MPP7: variants seen among roughly 807,000 people sequenced by gnomAD.
MPP7 encodes MAGUK p55 subfamily member 7.
Under a neutral mutation model 76.5 loss-of-function variants are expected in MPP7, and 60 were observed. The ratio of observed to expected loss-of-function variants is 0.78; its 90% CI spans 0.64 to 0.97. MPP7 has a LOEUF of 0.97. Among genes scored for constraint, MPP7 ranks in the 50% least tolerant of loss-of-function variants. The pLI is 0.00. For synonymous variants in MPP7, 237 were observed against 244.5 expected, an observed-to-expected ratio of 0.97 and a Z score of 0.29; for missense variants, 641 against 694.0, an observed-to-expected ratio of 0.92 and a Z score of 0.86.
chr10:28,262,257 ATGTATATATATATATATATAT>A, intron 1 of MPP7, among the ~76,000 whole-genome samples: 1 of 35,732 alleles, frequency 2.8e-5, no homozygotes, highest in Non-Finnish European at 4.6e-5. Context: ...ATATATATAT[ATGTATATATATATATATATAT>A]TTTTTTTTTT....
At chr10:28,275,811 A>G in intron 1 of MPP7, among the ~76,000 whole-genome samples, 1 of 151,708 alleles carries the variant, frequency 6.6e-6, no homozygotes, top group Non-Finnish European at 1.5e-5. Context: ...CTCCCAACCA[A>G]TCTCACGACA....
At chr10:28,088,266 TG>T (rs1047131049) in intron 12 of MPP7, among the ~76,000 whole-genome samples, 1 of 151,844 alleles carries the variant, frequency 6.6e-6, no homozygotes, top group South Asian at 2.1e-4. Flanking sequence ...TTAACAAGAG[TG>T]ATATGGTTTG....
intron 1 of MPP7, among the ~76,000 whole-genome samples, chr10:28,302,051 G>C (rs970053404): frequency 1.3e-5 from 2 of 151,886 alleles, no homozygotes; most frequent in African/African-American, 4.9e-5. Context: ...TTTTTAGAGA[G>C]CCCCCCCTTT....
rs531363785 is a variant in MPP7, at chr10:28,189,441, C to T, written c.156+12712G>A. The stretch of plus-strand genomic sequence containing the variant: ...AAAGTTAGCTGGGCATGGTGGCGCA[C>T]GCCTGTACTTCCAGCTACTTGGGAG... On this transcript the variant is annotated intron_variant, in intron 3 of 16. Coordinates refer to ENST00000683449, the MANE Select transcript of MPP7 (RefSeq NM_001318170.2). Among the ~76,000 whole-genome samples the T allele has an allele frequency of 6.6e-5, 10 of 151,886 alleles. No homozygotes were observed. In the South Asian group the frequency reaches 1.9e-3, roughly 28 times the overall value.
intron 11 of MPP7, among the ~76,000 whole-genome samples, chr10:28,101,227 C>T (rs913907692): frequency 6.6e-6 from 1 of 152,068 alleles, no homozygotes; most frequent in Non-Finnish European, 1.5e-5. Context: ...AAGAATACCT[C>T]TAAGTGTTCC....
chr10:28,069,686 A>C, intron 13 of MPP7, 86 bp downstream of exon 13: 1 of 1,122,190 alleles, frequency 8.9e-7, no homozygotes, highest in Non-Finnish European at 1.2e-6. Flanking sequence ...TTTAAAAACA[A>C]GTTAAAAATT....
In MPP7 at chr10:28,146,448, C is replaced by T. The variant is rs181674312; in HGVS notation, c.315+1035G>A. Among the ~76,000 whole-genome samples, 509 of 145,032 alleles carry T rather than the reference C, an allele frequency of 3.5e-3. 1 individual carries two copies. Among genetic ancestry groups the T allele is most frequent in the African/African-American group, 0.011 (442 of 39,154 alleles). ...ACGGAGTCTCGCTCTGTCGCCCAGG[C>T]TGGAGTGCAGTGGCACGATCTCAGC... On this transcript the variant is annotated intron_variant, in intron 5 of 16. Coordinates refer to ENST00000683449, the MANE Select transcript of MPP7 (RefSeq NM_001318170.2).
chr10:28,084,214 G>A (rs182234680), intron 12 of MPP7, among the ~76,000 whole-genome samples: 5 of 152,288 alleles, frequency 3.3e-5, no homozygotes, highest in Admixed American at 6.5e-5. Context: ...AGGCATACAT[G>A]AGAAAGCACA....
At chr10:28,090,258 G>A (rs1418455722) in intron 11 of MPP7, among the ~76,000 whole-genome samples, 1 of 152,100 alleles carries the variant, frequency 6.6e-6, no homozygotes, top group Admixed American at 6.6e-5. Flanking sequence ...ACTGTGCCTG[G>A]CCTATTCATC....
At chr10:28,200,557 A>G (rs971888746) in intron 3 of MPP7, among the ~76,000 whole-genome samples, 1 of 152,218 alleles carries the variant, frequency 6.6e-6, no homozygotes, top group Non-Finnish European at 1.5e-5. Flanking sequence ...TGTAACTAAG[A>G]ATTTGTTTTA....
chr10:28,291,009 A>C (rs1015261399), intron 1 of MPP7, among the ~76,000 whole-genome samples: 4 of 152,216 alleles, frequency 2.6e-5, no homozygotes, highest in African/African-American at 9.6e-5. Context: ...ACGATTTTGT[A>C]AACTTTTGCC....
intron 1 of MPP7, among the ~76,000 whole-genome samples, chr10:28,263,573 A>G (rs570395801): frequency 6.6e-6 from 1 of 152,270 alleles, no homozygotes; most frequent in African/African-American, 2.4e-5. Flanking sequence ...TTCTAAAATC[A>G]ACACTGAAGT....
chr10:28,235,332 CAG>C (rs144593570), intron 2 of MPP7, among the ~76,000 whole-genome samples: 12,264 of 152,100 alleles, frequency 0.081, 1,025 homozygotes, highest in East Asian at 0.41. Context: ...ATGCTAATAA[CAG>C]GGGAAACTAA....
At chr10:28,145,985 G>A (rs1441024302) in intron 5 of MPP7, among the ~76,000 whole-genome samples, 5 of 152,132 alleles carry the variant, frequency 3.3e-5, no homozygotes, top group African/African-American at 1.2e-4. Flanking sequence ...TACCATAATC[G>A]GGGATTTTTT....
At chr10:28,273,258 T>C (rs1341905540) in intron 1 of MPP7, among the ~76,000 whole-genome samples, 1 of 152,162 alleles carries the variant, frequency 6.6e-6, no homozygotes, top group Non-Finnish European at 1.5e-5. Flanking sequence ...TTAGCCAGTA[T>C]TAACAGTTCA....
intron 1 of MPP7, among the ~76,000 whole-genome samples, chr10:28,280,486 T>C (rs553755124): frequency 4.6e-5 from 7 of 152,240 alleles, no homozygotes; most frequent in Admixed American, 1.3e-4. Flanking sequence ...TTTTTGTTAG[T>C]ATTTTTTATC....
chr10:28,124,490 T>G (rs1834947136), intron 7 of MPP7, among the ~76,000 whole-genome samples: 1 of 144,764 alleles, frequency 6.9e-6, no homozygotes, highest in African/African-American at 2.6e-5. Context: ...TTTTTTTTTT[T>G]TTTGAGACGG....
chr10:28,196,884 T>C (rs1837600899), intron 3 of MPP7, among the ~76,000 whole-genome samples: 1 of 152,188 alleles, frequency 6.6e-6, no homozygotes, highest in Non-Finnish European at 1.5e-5. Flanking sequence ...AAGAAAAACC[T>C]GATATCTTCA....
intron 12 of MPP7, among the ~76,000 whole-genome samples, chr10:28,074,961 T>C (rs1852418073): frequency 1.3e-5 from 2 of 151,902 alleles, no homozygotes; most frequent in South Asian, 4.2e-4. Flanking sequence ...GGAAAAGAGG[T>C]TTAATTGGCC....
Sources: gnomAD v4.1 joint callset for allele counts (sites outside exome capture counted in the v4.1 genomes callset) on GRCh38, gnomAD v4.1.1 for gene constraint, MANE v1.5 for transcripts, NCBI Gene and HGNC (gene_info 2026-07-23, HGNC 2026-07-21) for gene names.